The following ELP2 variants were observed in gnomAD, a reference collection of about 807,000 sequenced individuals.
ELP2 encodes the protein elongator complex protein 2.
In ELP2, 90 loss-of-function variants were observed where a neutral mutation model predicts 119.2. The observed-to-expected ratio is 0.75, with a 90% confidence interval of 0.64 to 0.90. The LOEUF (loss-of-function observed/expected upper bound fraction) is 0.90. ELP2 is among the 40% of genes least tolerant of loss of function. ELP2 has a pLI of 0.00. For missense variants in ELP2, 921 were observed against 967.8 expected, an observed-to-expected ratio of 0.95 and a Z score of 0.64; for synonymous variants, 339 against 331.0, an observed-to-expected ratio of 1.02 and a Z score of -0.26.
At position 36,180,451 on chromosome 18, in the gene ELP2, C is replaced by G. The variant is rs1206022506; in HGVS notation, c.*5810C>G. 1.3e-5 allele frequency: 2 copies of G among 152,084 alleles called. No individual in the cohort carries two copies. Among genetic ancestry groups the G allele is most frequent in the Non-Finnish European group, 2.9e-5 (2 of 68,026 alleles). 9.4% of individuals were successfully genotyped at this position (152,084 alleles called of 1,614,324 possible). On this transcript the variant is annotated 3_prime_UTR_variant, in exon 22 of 22. Transcript: ENST00000358232. ...AGGATTGTTCTGAGAATTAAATGAG[C>G]CAATATATGAAAAACACTAGTTTGG... is the stretch of plus-strand genomic sequence containing the variant.
chr18:36,136,726 A>G, intron 3 of ELP2: 1 of 254,178 alleles, frequency 3.9e-6, no homozygotes, highest in Non-Finnish European at 7.7e-6. Flanking sequence ...TATACTACAC[A>G]GGCCCTGTAC....
Position 36,170,143 on chromosome 18 carries a change from G to A in ELP2, c.2157G>A (p.Val719=). ...NIGPCSSVLD[V]GGAVTAVSVC... The stretch of plus-strand genomic sequence containing the variant: ...GCCCCTGCTCCTCAGTCCTGGACGT[G>A]GGTGGGGCTGTGACAGCTGTCAGCG... The change falls in exon 20 of 22, where the codon GTG becomes GTA. Residue 719 remains valine (V), a synonymous_variant. Coordinates refer to ENST00000358232, the MANE Select transcript of ELP2 (RefSeq NM_018255.4). 6.2e-7 allele frequency: 1 copy of A among 1,614,076 alleles called. No homozygotes were observed. Among genetic ancestry groups the A allele is most frequent in the Non-Finnish European group, 8.5e-7 (1 of 1,179,988 alleles).
chr18:36,138,056 C>T lies in ELP2; in HGVS notation c.289-214C>T, dbSNP rs956439852. ...ATATTCTTCAGAATACCTATTGTCT[C>T]CTCAGAGTAGATTCCTAGATATGAG... is the stretch of plus-strand genomic sequence containing the variant. On this transcript the variant is annotated intron_variant, in intron 3 of 21. Transcript: ENST00000358232. 61 of 539,990 alleles carry T rather than the reference C, an allele frequency of 1.1e-4. No homozygotes were observed. The East Asian group carries it at 1.9e-3, about 17-fold the overall frequency. 33.4% of individuals were successfully genotyped at this position (539,990 alleles called of 1,614,324 possible).
intron 11 of ELP2, among the ~76,000 whole-genome samples, chr18:36,153,058 C>G (rs2090452727): frequency 6.6e-6 from 1 of 152,198 alleles, no homozygotes; most frequent in Non-Finnish European, 1.5e-5. Context: ...GAGCTCGCAC[C>G]CACATTTTGA....
At chr18:36,164,155 A>G (rs1245323234) in intron 17 of ELP2, among the ~76,000 whole-genome samples, 5 of 151,672 alleles carry the variant, frequency 3.3e-5, no homozygotes, top group Non-Finnish European at 4.4e-5. Flanking sequence ...ACAGTTTTTC[A>G]TTTTATTTTT....
At chr18:36,147,253 T>C (rs940620771) in intron 11 of ELP2, among the ~76,000 whole-genome samples, 1 of 151,984 alleles carries the variant, frequency 6.6e-6, no homozygotes, top group Admixed American at 6.6e-5. Flanking sequence ...TCTAAAATTT[T>C]TTTTATAGAC....
In ELP2 at chr18:36,160,963, A is replaced by G. The variant is rs762585893; in HGVS notation, c.1720A>G (p.Thr574Ala). 6.2e-7 allele frequency: 1 copy of G among 1,613,580 alleles called. No individual in the cohort carries two copies. The highest frequency in any genetic ancestry group is 1.7e-5 in the Admixed American group (1 of 59,986). ...GCACGGTTATGAAATATTTTGTGTT[A>G]CTTGTAACAGTTCAAAGACTCTGCT... is the stretch of plus-strand genomic sequence containing the variant. ...YGHGYEIFCVTCNSSKTLLAS... is the reference protein window; with the variant it reads ...YGHGYEIFCVACNSSKTLLAS... The change falls in exon 17 of 22, where the codon ACT becomes GCT. Residue 574 changes from threonine (T) to alanine (A), a missense_variant. Transcript: ENST00000358232.
chr18:36,145,242 T>G (rs574835780), intron 9 of ELP2: 208 of 534,992 alleles, frequency 3.9e-4, no homozygotes, highest in African/African-American at 2.9e-3. Context: ...AAAAGTGTAA[T>G]TCCTGCCATG....
Position 36,141,165 on chromosome 18 carries a change from T to C in ELP2, c.552T>C (p.Asp184=), listed in dbSNP as rs2090013311. Residue 184 remains aspartate (D), a synonymous_variant, in exon 6 of 22, where the codon GAT becomes GAC. Coordinates refer to ENST00000358232, the MANE Select transcript of ELP2 (RefSeq NM_018255.4). ...DVPILACGND[D]CRIHIFAQQN... Reference sequence around the variant, plus strand: ...CAATATTAGCATGTGGCAATGATGATTGCAGAATTCACATATTTGCTCAAC... The same window carrying C: ...CAATATTAGCATGTGGCAATGATGACTGCAGAATTCACATATTTGCTCAAC... 6.2e-7 allele frequency: 1 copy of C among 1,613,928 alleles called. No individual in the cohort carries two copies. Among genetic ancestry groups the C allele is most frequent in the African/African-American group, 1.3e-5 (1 of 75,034 alleles).
chr18:36,138,465 A>G, intron 4 of ELP2, 39 bp downstream of exon 4: 1 of 1,602,400 alleles, frequency 6.2e-7, no homozygotes. Context: ...AAATGAAATA[A>G]TATTTAACAA....
In ELP2 at chr18:36,133,299, T is replaced by A; in HGVS notation, c.200T>A (p.Ile67Asn). ...GCCCGAGTCAATTGCATACAGTGGA[T>A]TTGTAAACAGGATGGCTGTAAGTAT... ...HTARVNCIQW[I>N]CKQDGSPSTE... The change falls in exon 2 of 22, where the codon ATT (isoleucine) becomes AAT (asparagine). Residue 67 changes from isoleucine to asparagine, a missense_variant. Transcript: ENST00000358232. The A allele has an allele frequency of 1.2e-6, 2 of 1,613,084 alleles. No homozygotes were observed. Among genetic ancestry groups the A allele is most frequent in the Non-Finnish European group, 1.7e-6 (2 of 1,179,042 alleles).
At chr18:36,132,321 G>A (rs1225416760) in intron 1 of ELP2, among the ~76,000 whole-genome samples, 1 of 152,196 alleles carries the variant, frequency 6.6e-6, no homozygotes, top group Admixed American at 6.5e-5. Flanking sequence ...GATGACACAA[G>A]GTAATGAGTG....
rs114432187 is a variant in ELP2 at position 36,171,516 on chromosome 18, T to C, written c.2324+356T>C. Among the ~76,000 whole-genome samples the C allele has an allele frequency of 6.6e-3, 998 of 152,332 alleles. 17 individuals carry two copies. The highest frequency in any genetic ancestry group is 0.023 in the African/African-American group (945 of 41,570). On this transcript the variant is annotated intron_variant, in intron 21 of 21. Transcript: ENST00000358232. ...TTTAAAAATATTCTGGATTGCACTT[T>C]GGTAGTCGTATCCTTATGATTGAGC...
intron 16 of ELP2, 130 bp from the exon 17 acceptor site, chr18:36,160,802 C>T: frequency 3.0e-6 from 2 of 669,236 alleles, no homozygotes. Context: ...CCTAGACAAA[C>T]ATACAATGTT....
intron 11 of ELP2, among the ~76,000 whole-genome samples, chr18:36,148,930 G>A (rs1343259914): frequency 1.3e-5 from 2 of 152,158 alleles, no homozygotes; most frequent in Non-Finnish European, 2.9e-5. Flanking sequence ...CCATCATACT[G>A]TATGAATGTC....
intron 9 of ELP2, 44 bp from the exon 10 acceptor site, chr18:36,145,904 T>A (rs371025949): frequency 5.4e-5 from 80 of 1,494,596 alleles, no homozygotes; most frequent in Non-Finnish European, 7.2e-5. Context: ...TCTACAAACA[T>A]GATGATTGTT....
intron 8 of ELP2, among the ~76,000 whole-genome samples, chr18:36,144,089 T>C (rs1420368591): frequency 1.3e-5 from 2 of 152,214 alleles, no homozygotes; most frequent in African/African-American, 4.8e-5. Context: ...ATTGTTCACC[T>C]AGGTGTATTC....
chr18:36,154,515 C>T (rs559573746), intron 11 of ELP2, among the ~76,000 whole-genome samples: 1 of 152,214 alleles, frequency 6.6e-6, no homozygotes, highest in South Asian at 2.1e-4. Context: ...TCATTTAATC[C>T]TCATAATAAC....
chr18:36,165,743 G>A lies in ELP2; in HGVS notation c.1954+1076G>A, dbSNP rs1269107853. On this transcript the variant is annotated intron_variant, in intron 18 of 21. Transcript: ENST00000358232. ...CTAAAAATACAAAAATTGGCTGGGC[G>A]TGGTGGTGCACGCCTGTAATCCCAG... 5.3e-5 allele frequency among the ~76,000 whole-genome samples: 8 copies of A among 152,134 alleles called. No homozygotes were observed. The South Asian group carries it at 8.3e-4, about 16-fold the overall frequency.
Sources: gnomAD v4.1 joint callset for allele counts (sites outside exome capture counted in the v4.1 genomes callset) on GRCh38, gnomAD v4.1.1 for gene constraint, MANE v1.5 for transcripts, NCBI Gene and HGNC (gene_info 2026-07-23, HGNC 2026-07-21) for gene names.